The following GPHN variants were observed in gnomAD, a reference collection of about 807,000 sequenced individuals.
GPHN encodes gephyrin.
Under a neutral mutation model 95.5 loss-of-function variants are expected in GPHN, and 17 were observed. That is an observed-to-expected ratio of 0.18 (90% CI 0.12 to 0.27). The LOEUF is 0.27. Ranked by LOEUF, GPHN falls within the 10% of genes least tolerant of loss-of-function variation. GPHN has a pLI of 1.00. For missense variants in GPHN, 660 were observed against 978.1 expected (o/e 0.67, Z 4.34); for synonymous variants, 320 against 322.5 (o/e 0.99, Z 0.08).
At chr14:67,505,168 G>A in the GPHN span, among the ~76,000 whole-genome samples, 1,143 of 152,210 alleles carry the variant, frequency 7.5e-3, 20 homozygotes, top group Admixed American at 0.013. Context: ...AAAGAGGTGC[G>A]CAAGGGCCCC....
At chr14:66,583,192 A>C (rs1439848186) in intron 1 of GPHN, among the ~76,000 whole-genome samples, 1 of 152,052 alleles carries the variant, frequency 6.6e-6, no homozygotes, top group Non-Finnish European at 1.5e-5. Context: ...TCTTTTGAGA[A>C]GTGTCTGTTC....
chr14:67,308,626 A>G, the GPHN span, among the ~76,000 whole-genome samples: 1 of 149,690 alleles, frequency 6.7e-6, no homozygotes, highest in African/African-American at 2.5e-5. Flanking sequence ...GCTCACTGCA[A>G]CCTCCGCCTC....
chr14:66,560,694 C>T (rs1023750094), intron 1 of GPHN, among the ~76,000 whole-genome samples: 5 of 152,248 alleles, frequency 3.3e-5, no homozygotes, highest in Middle Eastern at 3.4e-3. Flanking sequence ...CAAACAGGGA[C>T]AATTTGACTT....
At chr14:67,567,146 CG>C in the GPHN span, among the ~76,000 whole-genome samples, 1 of 112,950 alleles carries the variant, frequency 8.9e-6, no homozygotes, top group Non-Finnish European at 2.0e-5. Context: ...ACTCGTGTTC[CG>C]TGTTCCGGGG....
At chr14:66,885,425 T>TA (rs1427622504) in intron 5 of GPHN, among the ~76,000 whole-genome samples, 1 of 152,146 alleles carries the variant, frequency 6.6e-6, no homozygotes, top group African/African-American at 2.4e-5. Context: ...CCAACCATTC[T>TA]CCAGTGCTCC....
At chr14:67,161,606 C>G (rs576262625) in intron 19 of GPHN, among the ~76,000 whole-genome samples, 1 of 151,922 alleles carries the variant, frequency 6.6e-6, no homozygotes, top group Admixed American at 6.6e-5. Context: ...ACAAAAAATA[C>G]AAAAATTAGT....
chr14:67,468,281 C>T, the GPHN span, among the ~76,000 whole-genome samples: 5,430 of 152,208 alleles, frequency 0.036, 104 homozygotes, highest in Middle Eastern at 0.058. Flanking sequence ...GCCAGTGTTT[C>T]AATTTGTAAG....
chr14:67,322,164 G>A, the GPHN span, among the ~76,000 whole-genome samples: 85 of 152,122 alleles, frequency 5.6e-4, no homozygotes, highest in Admixed American at 1.6e-3. Flanking sequence ...TGGGCAACAC[G>A]GCAAAGCCCC....
chr14:67,569,240 G>A, the GPHN span: 2 of 1,545,868 alleles, frequency 1.3e-6, no homozygotes, highest in Non-Finnish European at 1.8e-6. Context: ...GAGGCTTGGA[G>A]GCACCAAACA....
chr14:67,557,346 C>T, the GPHN span: 2 of 1,613,856 alleles, frequency 1.2e-6, no homozygotes, highest in Non-Finnish European at 1.7e-6. Flanking sequence ...ACCGGAAATA[C>T]CAAGAATTGC....
intron 20 of GPHN, among the ~76,000 whole-genome samples, chr14:67,167,086 T>C (rs1405808137): frequency 1.3e-5 from 2 of 152,246 alleles, no homozygotes; most frequent in Non-Finnish European, 2.9e-5. Context: ...CTTGTTTTTT[T>C]GGACATTTTT....
intron 3 of GPHN, among the ~76,000 whole-genome samples, chr14:66,798,173 C>CCACTTGGT (rs946386548): frequency 6.6e-6 from 1 of 151,770 alleles, no homozygotes; most frequent in African/African-American, 2.4e-5. Flanking sequence ...GGAATAAATC[C>CCACTTGGT]CACTTGGTCA....
chr14:67,468,890 G>A, the GPHN span, among the ~76,000 whole-genome samples: 17 of 151,752 alleles, frequency 1.1e-4, no homozygotes, highest in African/African-American at 4.1e-4. Context: ...GTGAGATTCT[G>A]TCTCAAAAAT....
chr14:67,142,249 A>G (rs1047544882), intron 17 of GPHN, among the ~76,000 whole-genome samples: 2 of 152,232 alleles, frequency 1.3e-5, no homozygotes, highest in African/African-American at 4.8e-5. Flanking sequence ...TACTGCATCA[A>G]TTGAAGGGAA....
intron 8 of GPHN, among the ~76,000 whole-genome samples, chr14:66,961,755 A>G (rs1317654158): frequency 6.6e-6 from 1 of 150,968 alleles, no homozygotes. Flanking sequence ...GAATAATACC[A>G]ACAATGCTGG....
At chr14:66,599,589 G>T (rs1323311136) in intron 1 of GPHN, among the ~76,000 whole-genome samples, 1 of 151,286 alleles carries the variant, frequency 6.6e-6, no homozygotes, top group Non-Finnish European at 1.5e-5. Context: ...GTTTTTATTG[G>T]TTGTTTTTGT....
chr14:67,347,571 G>C, the GPHN span: 2 of 803,630 alleles, frequency 2.5e-6, no homozygotes, highest in African/African-American at 3.7e-5. Flanking sequence ...GCGTGATCTC[G>C]CCTCACCGCA....
intron 5 of GPHN, among the ~76,000 whole-genome samples, chr14:66,897,107 C>T (rs1567074419): frequency 6.6e-6 from 1 of 152,018 alleles, no homozygotes; most frequent in South Asian, 2.1e-4. Flanking sequence ...AAGGAATGAT[C>T]CAGAGAAGTC....
chr14:67,623,965 T>G, the GPHN span, among the ~76,000 whole-genome samples: 1 of 152,136 alleles, frequency 6.6e-6, no homozygotes, highest in Non-Finnish European at 1.5e-5. Flanking sequence ...TTTAGCCTCT[T>G]GAGTAGCTGG....
Sources: allele counts gnomAD v4.1 joint callset (sites outside exome capture counted in the v4.1 genomes callset), GRCh38; gene constraint gnomAD v4.1.1; transcripts MANE v1.5; gene names NCBI Gene and HGNC (gene_info 2026-07-23, HGNC 2026-07-21).